The following LDB2 variants were observed in gnomAD, a reference collection of about 807,000 sequenced individuals.
The protein encoded by LDB2 is LIM domain-binding protein 2.
Under a neutral mutation model 44.3 loss-of-function variants are expected in LDB2, and 12 were observed. The ratio of observed to expected loss-of-function variants is 0.27; its 90% CI spans 0.17 to 0.44. The LOEUF (loss-of-function observed/expected upper bound fraction) is 0.44, where lower values mean the gene tolerates loss of function less well. Ranked by LOEUF, LDB2 falls within the 20% of genes least tolerant of loss-of-function variation. LDB2 has a pLI of 1.00. For missense variants in LDB2, 344 were observed against 473.5 expected (o/e 0.73, Z 2.54); for synonymous variants, 164 against 174.8 (o/e 0.94, Z 0.49).
At chr4:16,856,777 T>C (rs1347643970) in intron 1 of LDB2, among the ~76,000 whole-genome samples, 2 of 152,172 alleles carry the variant, frequency 1.3e-5, no homozygotes, top group Non-Finnish European at 2.9e-5. Flanking sequence ...ATGAGATAAA[T>C]ACTATTGGTT....
intron 1 of LDB2, among the ~76,000 whole-genome samples, chr4:16,867,904 C>A (rs781058807): frequency 1.3e-5 from 2 of 152,174 alleles, no homozygotes; most frequent in African/African-American, 2.4e-5. Flanking sequence ...CCTAACCTAA[C>A]CTGACCACTT....
chr4:16,710,374 A>G (rs1755604348), intron 2 of LDB2, among the ~76,000 whole-genome samples: 1 of 152,180 alleles, frequency 6.6e-6, no homozygotes, highest in Non-Finnish European at 1.5e-5. Context: ...CGACAGCTTT[A>G]AAACGTGGAG....
At chr4:16,791,572 A>AAAAAAAAAAAAAAT in intron 1 of LDB2, among the ~76,000 whole-genome samples, 1 of 150,676 alleles carries the variant, frequency 6.6e-6, no homozygotes, top group South Asian at 2.1e-4. Flanking sequence ...AAAAAAAAAA[A>AAAAAAAAAAAAAAT]GAAAGACAGC....
chr4:16,870,789 C>G (rs1470290219), intron 1 of LDB2, among the ~76,000 whole-genome samples: 1 of 152,126 alleles, frequency 6.6e-6, no homozygotes, highest in Non-Finnish European at 1.5e-5. Context: ...TCCGCCACCA[C>G]ACCTGGCTAG....
At chr4:16,755,150 G>A (rs1466933158) in intron 2 of LDB2, among the ~76,000 whole-genome samples, 2 of 152,206 alleles carry the variant, frequency 1.3e-5, no homozygotes, top group Non-Finnish European at 2.9e-5. Flanking sequence ...GGTTGTGACT[G>A]TCATAAGGCA....
At chr4:16,682,256 A>AG (rs200701232) in intron 2 of LDB2, among the ~76,000 whole-genome samples, 2 of 151,390 alleles carry the variant, frequency 1.3e-5, no homozygotes, top group East Asian at 4.0e-4. Context: ...TAAAATTTAA[A>AG]AAATCCCAAT....
chr4:16,524,583 C>T (rs995063957), intron 5 of LDB2, among the ~76,000 whole-genome samples: 1 of 152,078 alleles, frequency 6.6e-6, no homozygotes, highest in African/African-American at 2.4e-5. Context: ...GGCAGGGATC[C>T]GGTTAAATCA....
chr4:16,842,690 C>G (rs935275210), intron 1 of LDB2, among the ~76,000 whole-genome samples: 7 of 152,286 alleles, frequency 4.6e-5, no homozygotes, highest in African/African-American at 1.7e-4. Flanking sequence ...ATCTTACCAA[C>G]AAGGCATAAG....
chr4:16,774,066 A>C (rs2109371741), intron 1 of LDB2, among the ~76,000 whole-genome samples: 1 of 149,302 alleles, frequency 6.7e-6, no homozygotes, highest in South Asian at 2.2e-4. Flanking sequence ...GAGGCAGGAG[A>C]ATTGCTTGAA....
chr4:16,789,397 A>G (rs923392020), intron 1 of LDB2, among the ~76,000 whole-genome samples: 3 of 152,234 alleles, frequency 2.0e-5, no homozygotes, highest in African/African-American at 7.2e-5. Flanking sequence ...TCATGAACCT[A>G]CATTCTAGAA....
At chr4:16,519,239 AATT>A (rs1299453121) in intron 5 of LDB2, among the ~76,000 whole-genome samples, 1 of 152,084 alleles carries the variant, frequency 6.6e-6, no homozygotes, top group Non-Finnish European at 1.5e-5. Context: ...ATGCACCTTA[AATT>A]ATTATGTCAT....
Position 16,792,712 on chromosome 4 carries a change from T to C in LDB2, c.133-33452A>G, listed in dbSNP as rs142845000. On this transcript the variant is annotated intron_variant, in intron 1 of 7. Transcript: ENST00000304523. ...CATTCCTCCCAGTTATCCATGTCCCTGGCCTCTCCTCGGCTCCTGTCTGCA... is the reference window on the plus strand; with the variant it reads ...CATTCCTCCCAGTTATCCATGTCCCCGGCCTCTCCTCGGCTCCTGTCTGCA... Among the ~76,000 whole-genome samples the C allele has an allele frequency of 3.3e-5, 5 of 152,346 alleles. No homozygotes were observed. In the East Asian group the frequency reaches 9.6e-4, roughly 29 times the overall value.
intron 1 of LDB2, among the ~76,000 whole-genome samples, chr4:16,871,420 A>G (rs1181546902): frequency 2.0e-5 from 3 of 152,234 alleles, no homozygotes; most frequent in African/African-American, 4.8e-5. Flanking sequence ...GCATGCCTGA[A>G]GCTGTAACAT....
chr4:16,506,127 A>G (rs1719317204), intron 7 of LDB2: 8 of 738,908 alleles, frequency 1.1e-5, no homozygotes, highest in East Asian at 2.8e-5. Flanking sequence ...GCCTGCAGGT[A>G]GCATCTCTAG....
chr4:16,506,067 G>C (rs111734872), intron 7 of LDB2: 1 of 1,434,006 alleles, frequency 7.0e-7, no homozygotes, highest in Non-Finnish European at 9.4e-7. Context: ...CAGCTACACA[G>C]ACCACAGCTG....
intron 1 of LDB2, among the ~76,000 whole-genome samples, chr4:16,878,398 C>G (rs933110662): frequency 6.6e-6 from 1 of 152,206 alleles, no homozygotes; most frequent in Non-Finnish European, 1.5e-5. Flanking sequence ...TTATACTCAA[C>G]ACCTTCCACG....
chr4:16,830,144 C>A (rs969966920), intron 1 of LDB2, among the ~76,000 whole-genome samples: 1 of 152,032 alleles, frequency 6.6e-6, no homozygotes, highest in Admixed American at 6.6e-5. Context: ...AGAAGAAAAA[C>A]ACATACACAT....
intron 2 of LDB2, among the ~76,000 whole-genome samples, chr4:16,679,306 A>C (rs1481896137): frequency 6.6e-6 from 1 of 152,078 alleles, no homozygotes; most frequent in Non-Finnish European, 1.5e-5. Context: ...GGAGGAGGAG[A>C]GGGAGGAAGG....
chr4:16,632,258 G>A (rs995619275), intron 2 of LDB2, among the ~76,000 whole-genome samples: 1 of 152,150 alleles, frequency 6.6e-6, no homozygotes, highest in African/African-American at 2.4e-5. Context: ...CTTCATTCCT[G>A]GGATGCAAGG....
Sources: allele counts gnomAD v4.1 joint callset (sites outside exome capture counted in the v4.1 genomes callset), GRCh38; gene constraint gnomAD v4.1.1; transcripts MANE v1.5; gene names NCBI Gene and HGNC (gene_info 2026-07-23, HGNC 2026-07-21).